Variants in HIVEP3 observed in about 807,000 individuals in gnomAD.
HIVEP3 encodes HIVEP zinc finger 3.
HIVEP3 carries 49 observed loss-of-function variants against 152.8 expected under a neutral mutation model. The observed-to-expected ratio is 0.32, with a 90% CI of 0.26 to 0.41. The LOEUF (loss-of-function observed/expected upper bound fraction) is 0.41. Ranked by LOEUF, HIVEP3 falls within the 10% of genes least tolerant of loss-of-function variation. The pLI is 1.00. For missense variants in HIVEP3, 2,790 were observed against 3,103.3 expected (o/e 0.90, Z 2.40); for synonymous variants, 1,269 against 1,289.0 (o/e 0.98, Z 0.33).
At chr1:41,841,013 T>C (rs1200523967) in intron 1 of HIVEP3, among the ~76,000 whole-genome samples, 1 of 152,208 alleles carries the variant, frequency 6.6e-6, no homozygotes, top group African/African-American at 2.4e-5. Context: ...AAAGTCTCTG[T>C]CCGGTAATAA....
chr1:42,032,669 G>C (rs1645619766), intron 1 of HIVEP3, among the ~76,000 whole-genome samples: 1 of 151,918 alleles, frequency 6.6e-6, no homozygotes, highest in Non-Finnish European at 1.5e-5. Context: ...CCATTCCCCT[G>C]GGAATGTCAT....
chr1:41,577,150 AAC>A (rs1226324676), intron 4 of HIVEP3, among the ~76,000 whole-genome samples: 8 of 152,144 alleles, frequency 5.3e-5, no homozygotes, highest in Admixed American at 4.6e-4. Context: ...TTTCCCAGGA[AAC>A]ACAGTGTTGG....
At chr1:41,852,422 G>C (rs1643629796) in intron 1 of HIVEP3, among the ~76,000 whole-genome samples, 1 of 152,160 alleles carries the variant, frequency 6.6e-6, no homozygotes. Context: ...CTCACTTTTG[G>C]CCCAAATGCT....
chr1:41,526,861 GCT>G (rs2149055165), intron 5 of HIVEP3, among the ~76,000 whole-genome samples: 1 of 80,328 alleles, frequency 1.2e-5, no homozygotes, highest in Non-Finnish European at 2.5e-5. Context: ...ACCCTAACAC[GCT>G]CACACACAGC....
At chr1:41,805,593 G>A (rs1650558073) in intron 1 of HIVEP3, among the ~76,000 whole-genome samples, 1 of 152,182 alleles carries the variant, frequency 6.6e-6, no homozygotes, top group South Asian at 2.1e-4. Flanking sequence ...ACCTCTTAGG[G>A]TTGCAGTGAG....
chr1:41,992,583 T>G (rs892603632), intron 1 of HIVEP3, among the ~76,000 whole-genome samples: 1 of 147,804 alleles, frequency 6.8e-6, no homozygotes, highest in African/African-American at 2.5e-5. Flanking sequence ...CCAAGGTAAT[T>G]TACAGATTCA....
intron 1 of HIVEP3, among the ~76,000 whole-genome samples, chr1:41,868,176 G>A (rs1359064554): frequency 7.1e-6 from 1 of 141,082 alleles, no homozygotes; most frequent in African/African-American, 2.6e-5. Context: ...ACCATCAGTA[G>A]TTATATAATA....
intron 1 of HIVEP3, among the ~76,000 whole-genome samples, chr1:41,763,647 T>C (rs1647830776): frequency 6.6e-6 from 1 of 152,208 alleles, no homozygotes; most frequent in South Asian, 2.1e-4. Context: ...TTTATATGTG[T>C]ATGTGTTAGT....
chr1:41,949,910 T>C (rs1431410538), intron 1 of HIVEP3, among the ~76,000 whole-genome samples: 4 of 152,114 alleles, frequency 2.6e-5, no homozygotes, highest in African/African-American at 4.8e-5. Context: ...ACCCCTACTA[T>C]GCCCCAGTTC....
At chr1:41,790,272 C>A (rs1649613162) in intron 1 of HIVEP3, among the ~76,000 whole-genome samples, 1 of 152,098 alleles carries the variant, frequency 6.6e-6, no homozygotes, top group Admixed American at 6.5e-5. Context: ...GGCACCTCCC[C>A]TCTCTCTCTT....
rs148240304 is a variant in HIVEP3, at chr1:42,033,079, A to T, written n.119+2728T>A. Among the ~76,000 whole-genome samples, 527 of 152,250 alleles carry T rather than the reference A, an allele frequency of 3.5e-3. 3 individuals are homozygous for T. The highest frequency in any genetic ancestry group is 0.012 in the African/African-American group (509 of 41,538). ...TGCCCGCATGCAGAGGGATTTATCCACTGGATACATGGTGGAGGGAGATGG... is the reference window on the plus strand; with the variant it reads ...TGCCCGCATGCAGAGGGATTTATCCTCTGGATACATGGTGGAGGGAGATGG... On this transcript the variant is annotated intron_variant and non_coding_transcript_variant, in intron 1 of 3. Coordinates refer to the HIVEP3 transcript ENST00000489103.
intron 1 of HIVEP3, among the ~76,000 whole-genome samples, chr1:41,821,169 C>T (rs886149373): frequency 6.6e-6 from 1 of 152,182 alleles, no homozygotes; most frequent in African/African-American, 2.4e-5. Context: ...TGTGGTCTGG[C>T]TGCAAATCCC....
At chr1:41,627,983 T>A (rs958194834) in intron 3 of HIVEP3, among the ~76,000 whole-genome samples, 1 of 148,010 alleles carries the variant, frequency 6.8e-6, no homozygotes, top group African/African-American at 2.5e-5. Flanking sequence ...AGAGAAAACA[T>A]CCAAGGACTT....
intron 2 of HIVEP3, 100 bp from the exon 3 acceptor site, chr1:41,629,047 A>AGCT: frequency 1.1e-6 from 1 of 876,108 alleles, no homozygotes. Context: ...CACACCCCCC[A>AGCT]ACTACTCCCA....
intron 3 of HIVEP3, among the ~76,000 whole-genome samples, chr1:41,589,158 G>A (rs1570029551): frequency 6.6e-6 from 1 of 152,336 alleles, no homozygotes; most frequent in East Asian, 1.9e-4. Flanking sequence ...ATTGGTGAGA[G>A]CACCTGTAAA....
At chr1:41,956,819 AT>A (rs1645142944) in intron 1 of HIVEP3, among the ~76,000 whole-genome samples, 1 of 152,214 alleles carries the variant, frequency 6.6e-6, no homozygotes, top group African/African-American at 2.4e-5. Flanking sequence ...AATATGAACC[AT>A]GGAGGAGAAG....
In HIVEP3 at chr1:41,561,052, C is replaced by T. The variant is rs1108603; in HGVS notation, c.5207+14492G>A. On this transcript the variant is annotated intron_variant, in intron 5 of 8. Coordinates refer to ENST00000372583, the MANE Select transcript of HIVEP3 (RefSeq NM_024503.5). ...CATAGCTCCCTCACCCAGGCCTTTT[C>T]GGTAGACTCTCTCTGAGCAGCAGCT... 1.0e-3 allele frequency among the ~76,000 whole-genome samples: 153 copies of T among 152,296 alleles called. 5 individuals are homozygous for T. In the South Asian group the frequency reaches 0.03, roughly 29 times the overall value.
intron 5 of HIVEP3, among the ~76,000 whole-genome samples, chr1:41,526,508 C>T (rs1424629852): frequency 3.9e-5 from 5 of 128,110 alleles, no homozygotes; most frequent in African/African-American, 1.5e-4. Context: ...CACACCCCTG[C>T]CGTCACACTT....
At chr1:41,786,125 C>T (rs989448564) in intron 1 of HIVEP3, among the ~76,000 whole-genome samples, 3 of 152,224 alleles carry the variant, frequency 2.0e-5, no homozygotes, top group Non-Finnish European at 4.4e-5. Context: ...GGGCATGGAT[C>T]CTGGCTCAGC....
Sources: allele counts gnomAD v4.1 joint callset (sites outside exome capture counted in the v4.1 genomes callset), GRCh38; gene constraint gnomAD v4.1.1; transcripts MANE v1.5; gene names NCBI Gene and HGNC (gene_info 2026-07-23, HGNC 2026-07-21).